Variants in KIAA1755 observed in about 807,000 individuals in gnomAD.
KIAA1755 encodes the protein uncharacterized protein KIAA1755.
A neutral mutation model predicts 91.7 loss-of-function variants in KIAA1755; 68 were observed. The observed-to-expected ratio is 0.74, with a 90% CI of 0.61 to 0.91. KIAA1755 has a LOEUF of 0.91. KIAA1755 is among the 40% of genes least tolerant of loss of function. The pLI is 0.00. For missense variants in KIAA1755, 1,535 were observed against 1,494.4 expected (o/e 1.03, Z -0.45); for synonymous variants, 610 against 604.6 (o/e 1.01, Z -0.13).
At chr20:38,252,689 C>A (rs185519283) in intron 1 of KIAA1755, among the ~76,000 whole-genome samples, 1 of 152,218 alleles carries the variant, frequency 6.6e-6, no homozygotes, top group African/African-American at 2.4e-5. Context: ...CAGAGCAAGG[C>A]TCAGAGACCG....
intron 1 of KIAA1755, among the ~76,000 whole-genome samples, chr20:38,255,458 T>G (rs976530632): frequency 6.6e-6 from 1 of 152,156 alleles, no homozygotes; most frequent in Non-Finnish European, 1.5e-5. Flanking sequence ...ATCTACTGAT[T>G]TTTCAGTAAA....
At chr20:38,252,195 C>G (rs1600658263) in intron 1 of KIAA1755, among the ~76,000 whole-genome samples, 1 of 152,190 alleles carries the variant, frequency 6.6e-6, no homozygotes, top group African/African-American at 2.4e-5. Context: ...AATGGATGTA[C>G]AGGGTCTTGG....
chr20:38,259,922 C>G (rs1448168834), intron 1 of KIAA1755, among the ~76,000 whole-genome samples: 1 of 151,940 alleles, frequency 6.6e-6, no homozygotes, highest in African/African-American at 2.4e-5. Context: ...TCCCTCTCCC[C>G]AGCCAATTCC....
intron 1 of KIAA1755, among the ~76,000 whole-genome samples, chr20:38,250,082 T>C (rs2076221301): frequency 6.6e-6 from 1 of 152,280 alleles, no homozygotes; most frequent in Admixed American, 6.5e-5. Context: ...TGATGACTTT[T>C]ATGATGTTTA....
In KIAA1755 at chr20:38,219,768, C is replaced by T. The variant is rs377555001; in HGVS notation, c.2418G>A (p.Arg806=). Residue 806 remains arginine (R), a splice_region_variant and synonymous_variant, in exon 11 of 14, where the codon AGG becomes AGA. Coordinates refer to ENST00000279024, the MANE Select transcript of KIAA1755 (RefSeq NM_001029864.2). The part of the protein sequence containing the change: ...ASRLDFSPDV[R]SHLAAATALY... ...AGGCAGTGGCTGCAGCCAGATGGCTCCTGGGAGGTGGGCGGAGGTGAGAAA... is the reference window on the plus strand; with the variant it reads ...AGGCAGTGGCTGCAGCCAGATGGCTTCTGGGAGGTGGGCGGAGGTGAGAAA... 9.9e-6 allele frequency: 16 copies of T among 1,613,986 alleles called. No individual in the cohort carries two copies. The South Asian group carries it at 1.5e-4, about 16-fold the overall frequency.
intron 13 of KIAA1755, among the ~76,000 whole-genome samples, chr20:38,215,072 G>T (rs1315562581): frequency 6.6e-6 from 1 of 152,238 alleles, no homozygotes; most frequent in East Asian, 1.9e-4. Flanking sequence ...CCCACCAGGG[G>T]CTGAGCCTGG....
At chr20:38,216,639 T>C (rs372176398) in intron 13 of KIAA1755, among the ~76,000 whole-genome samples, 3 of 152,218 alleles carry the variant, frequency 2.0e-5, no homozygotes, top group African/African-American at 7.2e-5. Flanking sequence ...GCTACATGAA[T>C]TTAGGACAGG....
intron 1 of KIAA1755, among the ~76,000 whole-genome samples, chr20:38,255,303 G>C (rs1455739689): frequency 6.6e-6 from 1 of 152,166 alleles, no homozygotes; most frequent in Non-Finnish European, 1.5e-5. Flanking sequence ...GACAGACACT[G>C]GCTGAGTGTG....
intron 4 of KIAA1755, among the ~76,000 whole-genome samples, chr20:38,235,837 G>A (rs1490663880): frequency 6.6e-6 from 1 of 152,256 alleles, no homozygotes; most frequent in East Asian, 1.9e-4. Context: ...CATGGGAGCA[G>A]ACATTCACAC....
chr20:38,218,171 C>T (rs1016530297), intron 12 of KIAA1755, 73 bp downstream of exon 12: 1 of 1,594,026 alleles, frequency 6.3e-7, no homozygotes, highest in Admixed American at 1.7e-5. Flanking sequence ...CACAGCTTTG[C>T]CCTGGCAGTG....
At position 38,212,884 on chromosome 20, in the gene KIAA1755, G is replaced by A; in HGVS notation, c.*158C>T. The A allele has an allele frequency of 1.7e-6, 1 of 576,864 alleles. No individual in the cohort carries two copies. The highest frequency in any genetic ancestry group is 2.9e-6 in the Non-Finnish European group (1 of 339,078). The allele number at this position is 576,864 out of a possible 1,614,324, so 35.7% of individuals were successfully genotyped here. ...TTCCAGGAGTTTTCTGGAGCCAGGG[G>A]CAGGTCGACAGTTCTCATCCTCCCA... On this transcript the variant is annotated 3_prime_UTR_variant, in exon 14 of 14. Coordinates refer to ENST00000279024, the MANE Select transcript of KIAA1755 (RefSeq NM_001029864.2).
Position 38,212,285 on chromosome 20 carries a change from C to T in KIAA1755, c.*757G>A, listed in dbSNP as rs949681145. ...GCACCACTGCACTCCAGCCTGGACA[C>T]CAGAGTGAGACCCTGTCTCTGGTGG... On this transcript the variant is annotated 3_prime_UTR_variant, in exon 14 of 14. Coordinates refer to ENST00000279024, the MANE Select transcript of KIAA1755 (RefSeq NM_001029864.2). 3.3e-5 allele frequency: 5 copies of T among 151,496 alleles called. No homozygotes were observed. The highest frequency in any genetic ancestry group is 9.7e-5 in the African/African-American group (4 of 41,240). The allele number at this position is 151,496 out of a possible 1,614,324, so 9.4% of individuals were successfully genotyped here. A position where few individuals can be genotyped will look rare whatever the true frequency, so the allele number is the denominator to read the frequency against.
intron 11 of KIAA1755, among the ~76,000 whole-genome samples, 180 bp downstream of exon 11, chr20:38,219,450 A>G (rs1234957003): frequency 6.6e-6 from 1 of 152,206 alleles, no homozygotes; most frequent in Non-Finnish European, 1.5e-5. Context: ...CTGAGCACTT[A>G]TTGAGCACCA....
intron 12 of KIAA1755, chr20:38,217,877 C>A: frequency 4.9e-6 from 2 of 410,014 alleles, no homozygotes; most frequent in Non-Finnish European, 8.9e-6. Context: ...TTCCTGAGCG[C>A]TGATACGGGG....
rs148654309 is a variant in KIAA1755 at position 38,214,771 on chromosome 20, C to T, written c.2902-1028G>A. Among the ~76,000 whole-genome samples, 213 of 152,346 alleles carry T rather than the reference C, an allele frequency of 1.4e-3. 1 individual carries two copies. Among genetic ancestry groups the T allele is most frequent in the African/African-American group, 4.9e-3 (203 of 41,582 alleles). ...GTCTGTCCCCGCTTCCCCCACAAAACGTCTGCAGACTGCAAAGAAGCCAAC... is the reference window on the plus strand; with the variant it reads ...GTCTGTCCCCGCTTCCCCCACAAAATGTCTGCAGACTGCAAAGAAGCCAAC... On this transcript the variant is annotated intron_variant, in intron 13 of 13. Transcript: ENST00000279024.
intron 1 of KIAA1755, among the ~76,000 whole-genome samples, chr20:38,246,482 T>A (rs1309013137): frequency 6.6e-6 from 1 of 151,686 alleles, no homozygotes. Context: ...CAGGTCAGGG[T>A]CAAAGGGAAA....
At chr20:38,227,390 T>G in intron 6 of KIAA1755, 150 bp from the exon 7 acceptor site, 1 of 565,544 alleles carries the variant, frequency 1.8e-6, no homozygotes, top group Non-Finnish European at 3.2e-6. Context: ...CTTTGTGTGA[T>G]ACGTTTGGAC....
intron 10 of KIAA1755, among the ~76,000 whole-genome samples, chr20:38,221,053 C>T (rs2075650134): frequency 6.6e-6 from 1 of 152,198 alleles, no homozygotes; most frequent in South Asian, 2.1e-4. Flanking sequence ...CTTTTGACTT[C>T]CTGGAGGGTG....
At chr20:38,256,463 A>T (rs2076340512) in intron 1 of KIAA1755, among the ~76,000 whole-genome samples, 1 of 152,152 alleles carries the variant, frequency 6.6e-6, no homozygotes, top group Non-Finnish European at 1.5e-5. Context: ...TTTATTAATT[A>T]TTATTTACTT....
Sources: gnomAD v4.1 joint callset for allele counts (sites outside exome capture counted in the v4.1 genomes callset) on GRCh38, gnomAD v4.1.1 for gene constraint, MANE v1.5 for transcripts, NCBI Gene and HGNC (gene_info 2026-07-23, HGNC 2026-07-21) for gene names.